The following FZD6 variants were observed in gnomAD, a reference collection of about 807,000 sequenced individuals.
The protein encoded by FZD6 is frizzled class receptor 6.
FZD6 carries 49 observed loss-of-function variants against 61.4 expected under a neutral mutation model. That is an observed-to-expected ratio of 0.80 (90% CI 0.63 to 1.01). FZD6 has a LOEUF of 1.01. FZD6 is among the 50% of genes least tolerant of loss of function. The pLI is 0.00. For missense variants in FZD6, 724 were observed against 848.2 expected (o/e 0.85, Z 1.82); for synonymous variants, 265 against 292.2 (o/e 0.91, Z 0.95).
intron 3 of FZD6, among the ~76,000 whole-genome samples, chr8:103,320,161 A>G (rs1814742984): frequency 6.6e-6 from 1 of 152,162 alleles, no homozygotes; most frequent in Non-Finnish European, 1.5e-5. Context: ...GATGGTTTCT[A>G]TTTCCATTGT....
chr8:103,300,238 A>C lies in FZD6; in HGVS notation c.131A>C (p.Asn44Thr). The stretch of plus-strand genomic sequence containing the variant: ...GCCTACAACATGACGTTTTTCCCTA[A>C]TCTGATGGGTCATTATGACCAGAGT... Reference protein sequence around the residue: ...KMAYNMTFFPNLMGHYDQSIA... With the variant: ...KMAYNMTFFPTLMGHYDQSIA... The change falls in exon 2 of 7, where the codon AAT becomes ACT. Residue 44 changes from asparagine (N) to threonine (T), a missense_variant. By Grantham distance (65) the Asn-to-Thr change is moderately conservative. Transcript: ENST00000358755. 1 of 1,612,470 alleles carries C rather than the reference A, an allele frequency of 6.2e-7. No homozygotes were observed. The highest frequency in any genetic ancestry group is 8.5e-7 in the Non-Finnish European group (1 of 1,178,540).
At chr8:103,323,312 C>T (rs554263489) in intron 3 of FZD6, among the ~76,000 whole-genome samples, 2 of 141,246 alleles carry the variant, frequency 1.4e-5, no homozygotes, top group Non-Finnish European at 3.0e-5. Context: ...GCAAAATTGA[C>T]ATAATATTAT....
At chr8:103,316,120 A>G (rs1814618777) in intron 2 of FZD6, among the ~76,000 whole-genome samples, 1 of 152,230 alleles carries the variant, frequency 6.6e-6, no homozygotes, top group South Asian at 2.1e-4. Context: ...TAAATATTGT[A>G]CACTGCTGAG....
At chr8:103,313,474 G>A (rs1172815332) in intron 2 of FZD6, among the ~76,000 whole-genome samples, 1 of 152,134 alleles carries the variant, frequency 6.6e-6, no homozygotes. Context: ...TAGCAAAGGG[G>A]AATGGTGAGA....
In FZD6 at chr8:103,317,388, C is replaced by T. The variant is rs189058842; in HGVS notation, c.178-1202C>T. Among the ~76,000 whole-genome samples, 412 of 152,232 alleles carry T rather than the reference C, an allele frequency of 2.7e-3. 3 individuals carry two copies. Among genetic ancestry groups the T allele is most frequent in the African/African-American group, 9.4e-3 (389 of 41,544 alleles). ...GAGTCTTTGAACAAGGATAAACTTA[C>T]GTTTTAAAGAATCGCATTGGTTGGA... On this transcript the variant is annotated intron_variant, in intron 2 of 6. Coordinates refer to ENST00000358755, the MANE Select transcript of FZD6 (RefSeq NM_003506.4).
chr8:103,315,907 C>A (rs1046385313), intron 2 of FZD6, among the ~76,000 whole-genome samples: 10 of 152,142 alleles, frequency 6.6e-5, no homozygotes, highest in African/African-American at 2.4e-4. Flanking sequence ...TTAGGTGTTC[C>A]TCTGGTATGC....
chr8:103,326,691 T>C (rs974720742), intron 4 of FZD6, among the ~76,000 whole-genome samples: 2 of 112,320 alleles, frequency 1.8e-5, no homozygotes, highest in African/African-American at 3.6e-5. Context: ...AGATTCTGCG[T>C]GACAAAAAAA....
At chr8:103,325,819 T>C (rs1390006607) in intron 4 of FZD6, among the ~76,000 whole-genome samples, 1 of 152,240 alleles carries the variant, frequency 6.6e-6, no homozygotes, top group Non-Finnish European at 1.5e-5. Flanking sequence ...AAGTCACTTT[T>C]GTCGCATTGG....
chr8:103,322,152 A>G (rs1202415180), intron 3 of FZD6, among the ~76,000 whole-genome samples: 1 of 152,184 alleles, frequency 6.6e-6, no homozygotes, highest in African/African-American at 2.4e-5. Context: ...GAAATATTCT[A>G]CTGCGTTAAG....
rs761922015 is a variant in FZD6 at position 103,318,674 on chromosome 8, C to G, written c.262C>G (p.Gln88Glu). The G allele has an allele frequency of 8.7e-6, 14 of 1,606,454 alleles. No individual in the cohort carries two copies. In the East Asian group the frequency reaches 2.9e-4, roughly 33 times the overall value. ...CKAFVPTCIE[Q>E]IHVVPPCRKL... ...AGCATTTGTACCAACCTGCATAGAA[C>G]AAATTCATGTGGTTCCACCTTGTCG... Residue 88 changes from glutamine to glutamate, a missense_variant, in exon 3 of 7, where the codon CAA becomes GAA. Physicochemically the swap from Gln to Glu is conservative, Grantham distance 29 (BLOSUM62 2). Coordinates refer to ENST00000358755, the MANE Select transcript of FZD6 (RefSeq NM_003506.4).
rs780099524 is a variant in FZD6 at position 103,318,590 on chromosome 8, C to G, written c.178C>G (p.His60Asp). The G allele has an allele frequency of 1.3e-6, 2 of 1,570,964 alleles. No homozygotes were observed. Among genetic ancestry groups the G allele is most frequent in the South Asian group, 2.2e-5 (2 of 90,182 alleles). Residue 60 changes from histidine (H) to aspartate (D), a missense_variant and splice_region_variant, in exon 3 of 7, where the codon CAT (histidine) becomes GAT (aspartate). By Grantham distance (81) the His-to-Asp change is moderately conservative. Transcript: ENST00000358755. ...AACTGTATCTTGATGTCTTTAATAG[C>G]ATTTTCTTCCTCTCGCAAATCTGGA... is the stretch of plus-strand genomic sequence containing the variant. ...DQSIAAVEME[H>D]FLPLANLECS...
intron 2 of FZD6, among the ~76,000 whole-genome samples, chr8:103,314,230 C>T (rs957166077): frequency 6.6e-6 from 1 of 152,152 alleles, no homozygotes; most frequent in Non-Finnish European, 1.5e-5. Flanking sequence ...TATATAATTA[C>T]TTCTTAAGTG....
intron 2 of FZD6, among the ~76,000 whole-genome samples, chr8:103,306,747 C>T (rs894750649): frequency 4.0e-5 from 6 of 151,796 alleles, no homozygotes; most frequent in Admixed American, 6.6e-5. Context: ...CCTCAAGATC[C>T]ACCCACCTCG....
Position 103,331,780 on chromosome 8 carries a change from A to G in FZD6, c.*271A>G, listed in dbSNP as rs1815143047. 1 of 375,214 alleles carries G rather than the reference A, an allele frequency of 2.7e-6. No individual in the cohort carries two copies. Among genetic ancestry groups the G allele is most frequent in the African/African-American group, 2.1e-5 (1 of 48,310 alleles). 23.2% of individuals were successfully genotyped at this position (375,214 alleles called of 1,614,324 possible). ...AGAGTTAGAGGAATCTTCCTTTTCT[A>G]TTTATGAAGATTCTACTCTTGGTAA... On this transcript the variant is annotated 3_prime_UTR_variant, in exon 7 of 7. Coordinates refer to ENST00000358755, the MANE Select transcript of FZD6 (RefSeq NM_003506.4).
intron 3 of FZD6, among the ~76,000 whole-genome samples, chr8:103,322,346 G>A (rs1179882535): frequency 6.1e-5 from 9 of 146,978 alleles, no homozygotes; most frequent in South Asian, 2.2e-4. Context: ...ACCAGCCTGG[G>A]TAACATAGTG....
In FZD6 at chr8:103,300,036, G is replaced by T; in HGVS notation, c.-72G>T. On this transcript the variant is annotated 5_prime_UTR_variant, in exon 2 of 7. Coordinates refer to ENST00000358755, the MANE Select transcript of FZD6 (RefSeq NM_003506.4). ...TGAGGAATTTGAACATTTTATCTTT[G>T]GATGGGGATCTTCTGAGGATGCAAA... The T allele has an allele frequency of 1.1e-6, 1 of 914,392 alleles. No individual in the cohort carries two copies. The allele number at this position is 914,392 out of a possible 1,614,324, so 56.6% of individuals were successfully genotyped here. A position where few individuals can be genotyped will look rare whatever the true frequency, so the allele number is the denominator to read the frequency against.
At position 103,318,034 on chromosome 8, in the gene FZD6, G is replaced by A. The variant is rs549503912; in HGVS notation, c.178-556G>A. ...ATTAACAGCCAAATGGAGTTGTCCC[G>A]GAGCAGATGCTCATTCAAGTCTGTG... On this transcript the variant is annotated intron_variant, in intron 2 of 6. Transcript: ENST00000358755. Among the ~76,000 whole-genome samples the A allele has an allele frequency of 3.9e-5, 6 of 151,964 alleles. No homozygotes were observed. In the East Asian group the frequency reaches 5.8e-4, roughly 15 times the overall value.
chr8:103,302,616 C>G (rs1450343639), intron 2 of FZD6, among the ~76,000 whole-genome samples: 1 of 152,140 alleles, frequency 6.6e-6, no homozygotes, highest in South Asian at 2.1e-4. Context: ...TTTTTAGGCC[C>G]TTGTCCTGAT....
At position 103,332,614 on chromosome 8, in the gene FZD6, A is replaced by C. The variant is rs1487135833; in HGVS notation, c.*1105A>C. ...TACAACATACTTTAAAATATTAAGG[A>C]GTTTTCTTAATTTTGTTTCCTATTA... On this transcript the variant is annotated 3_prime_UTR_variant, in exon 7 of 7. Coordinates refer to ENST00000358755, the MANE Select transcript of FZD6 (RefSeq NM_003506.4). 6.6e-6 allele frequency: 1 copy of C among 152,552 alleles called. No homozygotes were observed. The highest frequency in any genetic ancestry group is 2.4e-5 in the African/African-American group (1 of 41,432). The allele number at this position is 152,552 out of a possible 1,614,324, so 9.4% of individuals were successfully genotyped here. A position where few individuals can be genotyped will look rare whatever the true frequency, so the allele number is the denominator to read the frequency against.
Sources: gnomAD v4.1 joint callset for allele counts (sites outside exome capture counted in the v4.1 genomes callset) on GRCh38, gnomAD v4.1.1 for gene constraint, MANE v1.5 for transcripts, NCBI Gene and HGNC (gene_info 2026-07-23, HGNC 2026-07-21) for gene names.